Variants in SLITRK1 observed in about 807,000 individuals in gnomAD.
SLITRK1 encodes SLIT and NTRK like family member 1.
A neutral mutation model predicts 42.4 loss-of-function variants in SLITRK1; 10 were observed. The observed-to-expected ratio is 0.24, with a 90% CI of 0.15 to 0.40. The LOEUF (loss-of-function observed/expected upper bound fraction) is 0.40, where lower values mean the gene tolerates loss of function less well. Ranked by LOEUF, SLITRK1 falls within the 10% of genes least tolerant of loss-of-function variation. The pLI is 1.00. For synonymous variants in SLITRK1, 389 were observed against 365.7 expected, an observed-to-expected ratio of 1.06 and a Z score of -0.73; for missense variants, 778 against 848.8, an observed-to-expected ratio of 0.92 and a Z score of 1.04.
At position 83,880,198 on chromosome 13, in the gene SLITRK1, G is replaced by A; in HGVS notation, c.1310C>T (p.Thr437Met). 6.2e-7 allele frequency: 1 copy of A among 1,614,062 alleles called. No homozygotes were observed. Among genetic ancestry groups the A allele is most frequent in the East Asian group, 2.2e-5 (1 of 44,844 alleles). The change falls in exon 2 of 2, where the codon ACG becomes ATG. Residue 437 changes from threonine to methionine, a missense_variant. Coordinates refer to ENST00000674365, the MANE Select transcript of SLITRK1 (RefSeq NM_001281503.2). Reference protein sequence around the residue: ...WLYMDSNYLDTLSREKFAGLQ... With the variant: ...WLYMDSNYLDMLSREKFAGLQ... Reference sequence around the variant, plus strand: ...CCCCGCGAATTTCTCCCGGGACAGCGTGTCCAGGTAATTGCTATCCATGTA... The same window carrying A: ...CCCCGCGAATTTCTCCCGGGACAGCATGTCCAGGTAATTGCTATCCATGTA...
Position 83,879,283 on chromosome 13 carries a change from GTTAT to G in SLITRK1, c.*130_*133del. On this transcript the variant is annotated 3_prime_UTR_variant, in exon 2 of 2. Transcript: ENST00000674365. ...GCCCTTTCGGTTGTGCGAGCTCACA[GTTAT>G]TTATCTACTTATGCCCATCCAGGCT... 1 of 1,102,498 alleles carries G rather than the reference GTTAT, an allele frequency of 9.1e-7. No individual in the cohort carries two copies. Among genetic ancestry groups the G allele is most frequent in the Non-Finnish European group, 1.3e-6 (1 of 754,440 alleles). 68.3% of individuals were successfully genotyped at this position (1,102,498 alleles called of 1,614,324 possible).
At position 83,881,374 on chromosome 13, in the gene SLITRK1, T is replaced by G; in HGVS notation, c.134A>C (p.Lys45Thr). The change falls in exon 2 of 2, where the codon AAG (lysine) becomes ACG (threonine). Residue 45 changes from lysine (K) to threonine (T), a missense_variant. Physicochemically the swap from Lys to Thr is moderately conservative, Grantham distance 78. Coordinates refer to ENST00000674365, the MANE Select transcript of SLITRK1 (RefSeq NM_001281503.2). ...EGDLHVDCEK[K>T]GFTSLQRFTA... ...GAAACGCTGCAGACTTGTGAAGCCC[T>G]TTTTTTCACAGTCTACGTGTAGGTC... The G allele has an allele frequency of 6.2e-7, 1 of 1,614,034 alleles. No individual in the cohort carries two copies. Among genetic ancestry groups the G allele is most frequent in the Non-Finnish European group, 8.5e-7 (1 of 1,179,998 alleles).
chr13:83,879,297 TA>T lies in SLITRK1; in HGVS notation c.*119del. ...GCGAGCTCACAGTTATTTATCTACT[TA>T]TGCCCATCCAGGCTGATGGCGCGGG... is the stretch of plus-strand genomic sequence containing the variant. On this transcript the variant is annotated 3_prime_UTR_variant, in exon 2 of 2. Coordinates refer to ENST00000674365, the MANE Select transcript of SLITRK1 (RefSeq NM_001281503.2). 3.2e-6 allele frequency: 4 copies of T among 1,238,474 alleles called. No individual in the cohort carries two copies. Among genetic ancestry groups the T allele is most frequent in the Non-Finnish European group, 3.4e-6 (3 of 872,036 alleles). 76.7% of individuals were successfully genotyped at this position (1,238,474 alleles called of 1,614,324 possible). A position where few individuals can be genotyped will look rare whatever the true frequency, so the allele number is the denominator to read the frequency against.
Position 83,880,331 on chromosome 13 carries a change from A to G in SLITRK1, c.1177T>C (p.Ser393Pro), listed in dbSNP as rs1458757841. Residue 393 changes from serine to proline, a missense_variant, in exon 2 of 2, where the codon TCG (serine) becomes CCG (proline). Physicochemically the swap from Ser to Pro is moderately conservative, Grantham distance 74 (BLOSUM62 -1). Coordinates refer to ENST00000674365, the MANE Select transcript of SLITRK1 (RefSeq NM_001281503.2). ...AGGTTCTTGTAATCCACAAAGTGCGATTTTCGGATGCTGTGGATCTTGTTA... is the reference window on the plus strand; with the variant it reads ...AGGTTCTTGTAATCCACAAAGTGCGGTTTTCGGATGCTGTGGATCTTGTTA... ...RDNKIHSIRK[S>P]HFVDYKNLIL... 1.2e-6 allele frequency: 2 copies of G among 1,613,576 alleles called. No homozygotes were observed. Among genetic ancestry groups the G allele is most frequent in the East Asian group, 2.2e-5 (1 of 44,844 alleles).
chr13:83,879,525 A>C lies in SLITRK1; in HGVS notation c.1983T>G (p.Ile661Met), dbSNP rs1884761830. The change falls in exon 2 of 2, where the codon ATT (isoleucine) becomes ATG (methionine). Residue 661 changes from isoleucine to methionine, a missense_variant. Transcript: ENST00000674365. ...RRDANSSASE[I>M]NSLQTVCDSS... is the part of the protein sequence containing the mutation. ...AGTCACAGACTGTCTGTAGGGAATT[A>C]ATCTCGGACGCGGAGGAGTTGGCAT... 6.2e-7 allele frequency: 1 copy of C among 1,613,942 alleles called. No homozygotes were observed. The highest frequency in any genetic ancestry group is 1.3e-5 in the African/African-American group (1 of 74,892).
rs755853199 is a variant in SLITRK1, at chr13:83,879,761, C to A, written c.1747G>T (p.Ala583Ser). ...SNDEICPQLYARISPTLTSHS... is the reference protein window; with the variant it reads ...SNDEICPQLYSRISPTLTSHS... ...GAAGTTAACGTGGGCGAGATCCTAG[C>A]GTACAGCTGAGGGCAGATCTCGTCA... Residue 583 changes from alanine to serine, a missense_variant, in exon 2 of 2, where the codon GCT becomes TCT. Around this residue, in one of 4 missense-constraint regions of SLITRK1, gnomAD observed 164 missense variants for 158.2 expected, o/e 1.04. Coordinates refer to ENST00000674365, the MANE Select transcript of SLITRK1 (RefSeq NM_001281503.2). The A allele has an allele frequency of 1.9e-6, 3 of 1,613,882 alleles. No individual in the cohort carries two copies. Among genetic ancestry groups the A allele is most frequent in the East Asian group, 4.5e-5 (2 of 44,874 alleles).
In SLITRK1 at chr13:83,879,420, G is replaced by C. The variant is rs757649671; in HGVS notation, c.2088C>G (p.Asp696Glu). The C allele has an allele frequency of 6.2e-7, 1 of 1,612,920 alleles. No individual in the cohort carries two copies. Among genetic ancestry groups the C allele is most frequent in the East Asian group, 2.2e-5 (1 of 44,888 alleles). ...VYDCGSHSLSD is the reference protein window; with the variant it reads ...VYDCGSHSLSE ...CTCCCCTATTGGGGTTGGGGTCTTA[G>C]TCTGAGAGCGAGTGAGAGCCACAGT... The change falls in exon 2 of 2, where the codon GAC (aspartate) becomes GAG (glutamate). Residue 696 changes from aspartate (D) to glutamate (E), a missense_variant. By Grantham distance (45) the Asp-to-Glu change is conservative. Coordinates refer to ENST00000674365, the MANE Select transcript of SLITRK1 (RefSeq NM_001281503.2).
rs1884732688 is a variant in SLITRK1 at position 83,878,325 on chromosome 13, CG to C, written c.*1091del. On this transcript the variant is annotated 3_prime_UTR_variant, in exon 2 of 2. Coordinates refer to ENST00000674365, the MANE Select transcript of SLITRK1 (RefSeq NM_001281503.2). ...AATTAGTAAGTTTCACGTGCTTCCT[CG>C]GTTCTCTTTTCCTACTTTATAAGTA... The C allele has an allele frequency of 6.6e-6, 1 of 152,578 alleles. No individual in the cohort carries two copies. Among genetic ancestry groups the C allele is most frequent in the Non-Finnish European group, 1.5e-5 (1 of 68,028 alleles). 9.5% of individuals were successfully genotyped at this position (152,578 alleles called of 1,614,324 possible).
rs200160380 is a variant in SLITRK1, at chr13:83,880,232, T to C, written c.1276A>G (p.Arg426Gly). Residue 426 changes from arginine to glycine, a missense_variant, in exon 2 of 2, where the codon AGG becomes GGG. Arg to Gly is a moderately radical substitution (Grantham distance 125). This residue lies in a region of SLITRK1 where 395 missense variants were observed against 360.4 expected (regional missense o/e 1.10). Transcript: ENST00000674365. ...TAATTGCTATCCATGTATAGCCACC[T>C]GAGGTCCAAAAGGTTCTTGAAAGTG... ...NNTFKNLLDLRWLYMDSNYLD... is the reference protein window; with the variant it reads ...NNTFKNLLDLGWLYMDSNYLD... 1 of 1,614,120 alleles carries C rather than the reference T, an allele frequency of 6.2e-7. No homozygotes were observed. Among genetic ancestry groups the C allele is most frequent in the Non-Finnish European group, 8.5e-7 (1 of 1,180,018 alleles).
chr13:83,879,122 A>T lies in SLITRK1; in HGVS notation c.*295T>A, dbSNP rs948530477. On this transcript the variant is annotated 3_prime_UTR_variant, in exon 2 of 2. Coordinates refer to ENST00000674365, the MANE Select transcript of SLITRK1 (RefSeq NM_001281503.2). ...AGGCCCCGGGGCCGAGGGCGAGGGC[A>T]CTGTCAGTTCTTCCAGCAGGGTCGT... 4.5e-6 allele frequency: 2 copies of T among 443,090 alleles called. No individual in the cohort carries two copies. The highest frequency in any genetic ancestry group is 8.4e-6 in the Non-Finnish European group (2 of 238,024). The allele number at this position is 443,090 out of a possible 1,614,324, so 27.4% of individuals were successfully genotyped here.
chr13:83,880,619 C>A lies in SLITRK1; in HGVS notation c.889G>T (p.Asp297Tyr). 1.9e-6 allele frequency: 3 copies of A among 1,614,116 alleles called. No individual in the cohort carries two copies. In the South Asian group the frequency reaches 3.3e-5, roughly 18 times the overall value. ...GGAGCAGACCCTGGTGTGGCATGAT[C>A]CTCTTGCCCATTTGTCTTGAAAGGA... The part of the protein sequence containing the change: ...PTPFKTNGQE[D>Y]HATPGSAPNG... The change falls in exon 2 of 2, where the codon GAT (aspartate) becomes TAT (tyrosine). Residue 297 changes from aspartate (D) to tyrosine (Y), a missense_variant. Physicochemically the swap from Asp to Tyr is radical, Grantham distance 160. Coordinates refer to ENST00000674365, the MANE Select transcript of SLITRK1 (RefSeq NM_001281503.2).
In SLITRK1 at chr13:83,877,341, G is replaced by A. The variant is rs1194636708; in HGVS notation, c.*2076C>T. The stretch of plus-strand genomic sequence containing the variant: ...GCAGATCTACTTACAACTGCTCTGA[G>A]GTCTTTCACTAGCTGATTTATAATC... On this transcript the variant is annotated 3_prime_UTR_variant, in exon 2 of 2. Transcript: ENST00000674365. The A allele has an allele frequency of 6.6e-6, 1 of 151,174 alleles. No homozygotes were observed. The highest frequency in any genetic ancestry group is 1.5e-5 in the Non-Finnish European group (1 of 67,980). 9.4% of individuals were successfully genotyped at this position (151,174 alleles called of 1,614,324 possible). A position where few individuals can be genotyped will look rare whatever the true frequency, so the allele number is the denominator to read the frequency against.
In SLITRK1 at chr13:83,880,469, A is replaced by C. The variant is rs1277399796; in HGVS notation, c.1039T>G (p.Cys347Gly). The C allele has an allele frequency of 1.2e-6, 2 of 1,614,012 alleles. No homozygotes were observed. Among genetic ancestry groups the C allele is most frequent in the Non-Finnish European group, 1.7e-6 (2 of 1,180,022 alleles). ...NSLPCPGGCS[C>G]DHIPGSGLKM... is the part of the protein sequence containing the mutation. ...AAACCCGACCCTGGGATGTGGTCGC[A>C]GCTGCAGCCCCCAGGGCAGGGTAAA... is the stretch of plus-strand genomic sequence containing the variant. The change falls in exon 2 of 2, where the codon TGC becomes GGC. Residue 347 changes from cysteine to glycine, a missense_variant. Physicochemically the swap from Cys to Gly is radical, Grantham distance 159 (BLOSUM62 -3). Coordinates refer to ENST00000674365, the MANE Select transcript of SLITRK1 (RefSeq NM_001281503.2).
Position 83,879,389 on chromosome 13 carries a change from T to A in SLITRK1, c.*28A>T. On this transcript the variant is annotated 3_prime_UTR_variant, in exon 2 of 2. Coordinates refer to ENST00000674365, the MANE Select transcript of SLITRK1 (RefSeq NM_001281503.2). ...GTGGGGAAGGATGTATCGCCTTCCC[T>A]CTGCCCTCCCCTATTGGGGTTGGGG... The A allele has an allele frequency of 6.2e-7, 1 of 1,610,762 alleles. No individual in the cohort carries two copies. The highest frequency in any genetic ancestry group is 8.5e-7 in the Non-Finnish European group (1 of 1,179,946).
rs1884765049 is a variant in SLITRK1, at chr13:83,879,605, C to T, written c.1903G>A (p.Val635Met). The change falls in exon 2 of 2, where the codon GTG (valine) becomes ATG (methionine). Residue 635 changes from valine (V) to methionine (M), a missense_variant. Around this residue, in one of 4 missense-constraint regions of SLITRK1, gnomAD observed 164 missense variants for 158.2 expected, o/e 1.04. Transcript: ENST00000674365. ...AGGATAAACACGAGCATGCCCACCACGGTGAAGGCGGAGGTGACAAACACC... is the reference window on the plus strand; with the variant it reads ...AGGATAAACACGAGCATGCCCACCATGGTGAAGGCGGAGGTGACAAACACC... ...LLVFVTSAFT[V>M]VGMLVFILRN... 2 of 1,614,032 alleles carry T rather than the reference C, an allele frequency of 1.2e-6. No individual in the cohort carries two copies. The highest frequency in any genetic ancestry group is 2.2e-5 in the East Asian group (1 of 44,864).
chr13:83,881,164 T>C lies in SLITRK1; in HGVS notation c.344A>G (p.Asn115Ser), dbSNP rs1347909205. The stretch of plus-strand genomic sequence containing the variant: ...CTTTCGAAAAGACTTGATCTTGTTG[T>C]TGTTGATGTGCAGCCTTTTCACCAG... ...LQLVKRLHIN[N>S]NKIKSFRKQT... Residue 115 changes from asparagine (N) to serine (S), a missense_variant, in exon 2 of 2, where the codon AAC becomes AGC. Asn to Ser is a conservative substitution (Grantham distance 46). Around this residue, in one of 4 missense-constraint regions of SLITRK1, gnomAD observed 204 missense variants for 295.3 expected, o/e 0.69. Coordinates refer to ENST00000674365, the MANE Select transcript of SLITRK1 (RefSeq NM_001281503.2). 3 of 1,614,110 alleles carry C rather than the reference T, an allele frequency of 1.9e-6. No homozygotes were observed. Among genetic ancestry groups the C allele is most frequent in the Admixed American group, 1.7e-5 (1 of 60,014 alleles).
In SLITRK1 at chr13:83,881,570, A is replaced by G. The variant is rs576047687; in HGVS notation, c.-53-10T>C. 6.3e-7 allele frequency: 1 copy of G among 1,575,582 alleles called. No individual in the cohort carries two copies. Among genetic ancestry groups the G allele is most frequent in the South Asian group, 1.1e-5 (1 of 90,364 alleles). ...AGTAACAGCGACCATCCTGCTCGCC[A>G]CAGACACAATTCAAGTTCATTTAGT... is the stretch of plus-strand genomic sequence containing the variant. On this transcript the variant is annotated splice_polypyrimidine_tract_variant and intron_variant, in intron 1 of 1. Transcript: ENST00000674365.
intron 1 of SLITRK1, 137 bp from the exon 2 acceptor site, chr13:83,881,697 C>A: frequency 4.0e-6 from 2 of 503,312 alleles, no homozygotes; most frequent in Non-Finnish European, 7.1e-6. Context: ...GCCCAGACGC[C>A]AGTCAATAAT....
intron 1 of SLITRK1, 27 bp from the exon 2 acceptor site, chr13:83,881,587 T>A: frequency 1.5e-6 from 2 of 1,365,068 alleles, no homozygotes; most frequent in Non-Finnish European, 2.0e-6. Context: ...CAATTCAAGT[T>A]CATTTAGTGC....
Sources: allele counts gnomAD v4.1 joint callset, GRCh38; gene constraint gnomAD v4.1.1; regional missense constraint gnomAD v4.1.1; transcripts MANE v1.5; gene names NCBI Gene and HGNC (gene_info 2026-07-23, HGNC 2026-07-21).